VPS54: variants seen among roughly 807,000 people sequenced by gnomAD.
VPS54 encodes the protein vacuolar protein sorting-associated protein 54.
VPS54 carries 45 observed loss-of-function variants against 121.5 expected under a neutral mutation model. The observed-to-expected ratio is 0.37, with a 90% CI of 0.29 to 0.47. The LOEUF (loss-of-function observed/expected upper bound fraction) is 0.47, where lower values mean the gene tolerates loss of function less well. Among genes scored for constraint, VPS54 ranks in the 20% least tolerant of loss-of-function variants. VPS54 has a pLI of 0.99. For missense variants in VPS54, 1,090 were observed against 1,131.4 expected (o/e 0.96, Z 0.52); for synonymous variants, 371 against 385.8 (o/e 0.96, Z 0.45).
chr2:63,937,666 G>A (rs1674511999), intron 11 of VPS54, among the ~76,000 whole-genome samples: 1 of 152,026 alleles, frequency 6.6e-6, no homozygotes, highest in African/African-American at 2.4e-5. Context: ...GAACTAAAAG[G>A]GGGCCTCAGA....
intron 1 of VPS54, among the ~76,000 whole-genome samples, chr2:64,011,751 A>G (rs961967565): frequency 9.2e-5 from 14 of 152,354 alleles, no homozygotes; most frequent in Admixed American, 7.2e-4. Flanking sequence ...AAAATGAACC[A>G]TATTAGACAC....
At chr2:63,994,287 G>A (rs538631291) in intron 1 of VPS54, among the ~76,000 whole-genome samples, 4 of 152,072 alleles carry the variant, frequency 2.6e-5, no homozygotes, top group East Asian at 1.9e-4. Flanking sequence ...ACTGAATCTC[G>A]CTTACACTAG....
At chr2:64,015,665 C>T (rs1678650309) in intron 1 of VPS54, among the ~76,000 whole-genome samples, 1 of 152,136 alleles carries the variant, frequency 6.6e-6, no homozygotes, top group African/African-American at 2.4e-5. Context: ...CAAAACCGTC[C>T]TCGCAGAGCC....
chr2:63,950,353 G>C (rs1317558939), intron 7 of VPS54, among the ~76,000 whole-genome samples: 1 of 152,048 alleles, frequency 6.6e-6, no homozygotes, highest in Non-Finnish European at 1.5e-5. Context: ...GAGCTGTAAA[G>C]GTACTTATGA....
chr2:64,017,623 AAC>A (rs1678769195), intron 1 of VPS54, among the ~76,000 whole-genome samples: 1 of 152,208 alleles, frequency 6.6e-6, no homozygotes, highest in African/African-American at 2.4e-5. Context: ...TCAACAACAA[AAC>A]AGTCTTTACG....
chr2:63,930,673 G>T (rs771694006), intron 12 of VPS54, among the ~76,000 whole-genome samples: 8 of 152,020 alleles, frequency 5.3e-5, no homozygotes, highest in Non-Finnish European at 8.8e-5. Context: ...GGGCAATCAG[G>T]CAAGAGAAAA....
At chr2:63,996,994 C>T (rs1025494289) in intron 1 of VPS54, among the ~76,000 whole-genome samples, 7 of 152,278 alleles carry the variant, frequency 4.6e-5, no homozygotes, top group Admixed American at 1.3e-4. Flanking sequence ...GGGGGCATCA[C>T]GGAACCTGCT....
chr2:63,912,620 G>A lies in VPS54; in HGVS notation c.2464C>T (p.Pro822Ser). The A allele has an allele frequency of 6.3e-7, 1 of 1,594,358 alleles. No individual in the cohort carries two copies. The highest frequency in any genetic ancestry group is 8.5e-7 in the Non-Finnish European group (1 of 1,175,534). ...RCLQLIVHYI[P>S]VIRAHFEARL... ...GCTTCAAAATGAGCCCGGATCACAG[G>A]AATGTAGTGCACAATTAACTGCAAA... The change falls in exon 19 of 23, where the codon CCT becomes TCT. Residue 822 changes from proline to serine, a missense_variant. Physicochemically the swap from Pro to Ser is moderately conservative, Grantham distance 74. This residue lies in a region of VPS54 where 289 missense variants were observed against 374.4 expected (regional missense o/e 0.77). Transcript: ENST00000272322.
chr2:63,947,530 G>A (rs41291181), intron 8 of VPS54, 40 bp from the exon 9 acceptor site: 285,763 of 1,375,078 alleles, frequency 0.21, 37,118 homozygotes, highest in East Asian at 0.7. Context: ...TTTTAAATAT[G>A]AAGTAATTTT....
At chr2:63,923,921 T>C (rs189810095) in intron 12 of VPS54, among the ~76,000 whole-genome samples, 1 of 152,350 alleles carries the variant, frequency 6.6e-6, no homozygotes, top group African/African-American at 2.4e-5. Context: ...GTCAGAGCCG[T>C]TGTATGAAAG....
intron 6 of VPS54, among the ~76,000 whole-genome samples, chr2:63,963,752 G>A (rs2104564941): frequency 6.6e-6 from 1 of 152,126 alleles, no homozygotes; most frequent in Non-Finnish European, 1.5e-5. Flanking sequence ...AAAGCAAAAT[G>A]GGCACAAATA....
Position 63,912,674 on chromosome 2 carries a change from G to T in VPS54, c.2423-13C>A, listed in dbSNP as rs757870427. The stretch of plus-strand genomic sequence containing the variant: ...CGTGAAGAAAGAGCTGAAGATCCAG[G>T]GAGTAGATATATAATGGAGAAATAA... On this transcript the variant is annotated splice_polypyrimidine_tract_variant and intron_variant, in intron 18 of 22. Coordinates refer to ENST00000272322, the MANE Select transcript of VPS54 (RefSeq NM_016516.3). 6.4e-6 allele frequency: 10 copies of T among 1,561,726 alleles called. No homozygotes were observed. Among genetic ancestry groups the T allele is most frequent in the Non-Finnish European group, 7.7e-6 (9 of 1,166,078 alleles).
intron 10 of VPS54, among the ~76,000 whole-genome samples, chr2:63,943,245 T>G (rs1305502337): frequency 3.3e-5 from 5 of 152,176 alleles, no homozygotes. Context: ...TAATACAAAT[T>G]CATTCCCTAA....
rs577912190 is a variant in VPS54 at position 63,892,856 on chromosome 2, C to T, written c.*574G>A. On this transcript the variant is annotated 3_prime_UTR_variant, in exon 23 of 23. Transcript: ENST00000272322. ...ATATTAAATATGCAACACACAAAGC[C>T]TGCAACTTGACATTGGTCACTGAAA... 6 of 153,076 alleles carry T rather than the reference C, an allele frequency of 3.9e-5. No homozygotes were observed. The highest frequency in any genetic ancestry group is 2.1e-4 in the South Asian group (1 of 4,846). The allele number at this position is 153,076 out of a possible 1,614,324, so 9.5% of individuals were successfully genotyped here.
intron 20 of VPS54, among the ~76,000 whole-genome samples, chr2:63,909,244 C>T (rs1420685953): frequency 6.6e-6 from 1 of 152,054 alleles, no homozygotes; most frequent in African/African-American, 2.4e-5. Context: ...AGATCAAAGG[C>T]TTATTCACCC....
chr2:63,988,820 G>A (rs1012811896), intron 1 of VPS54, among the ~76,000 whole-genome samples: 13 of 152,176 alleles, frequency 8.5e-5, no homozygotes, highest in Non-Finnish European at 1.9e-4. Context: ...AGAACAGGCA[G>A]GATAACAGCG....
At chr2:63,903,427 G>T (rs886767838) in intron 20 of VPS54, among the ~76,000 whole-genome samples, 2 of 152,128 alleles carry the variant, frequency 1.3e-5, no homozygotes, top group African/African-American at 4.8e-5. Context: ...TATGGTATCG[G>T]ATGGATCCAA....
chr2:63,973,564 T>G (rs1229740340), intron 3 of VPS54, among the ~76,000 whole-genome samples: 1 of 152,138 alleles, frequency 6.6e-6, no homozygotes, highest in East Asian at 1.9e-4. Flanking sequence ...ACCAGTCCCT[T>G]TTTGTTTTTT....
Position 63,983,421 on chromosome 2 carries a change from G to A in VPS54, c.136+443C>T, listed in dbSNP as rs1676888147. 2.7e-5 allele frequency among the ~76,000 whole-genome samples: 4 copies of A among 148,774 alleles called. No homozygotes were observed. The South Asian group carries it at 8.5e-4, about 31-fold the overall frequency. ...CAAAGTGCTGGGATTACAGGCGTGA[G>A]CCACCACGCCGGGCCCCAAATGATT... On this transcript the variant is annotated intron_variant, in intron 2 of 22. Coordinates refer to ENST00000272322, the MANE Select transcript of VPS54 (RefSeq NM_016516.3).
Sources: gnomAD v4.1 joint callset for allele counts (sites outside exome capture counted in the v4.1 genomes callset) on GRCh38, gnomAD v4.1.1 for gene constraint, gnomAD v4.1.1 regional missense constraint, MANE v1.5 for transcripts, NCBI Gene and HGNC (gene_info 2026-07-23, HGNC 2026-07-21) for gene names.